ZNF506: variants seen among roughly 807,000 people sequenced by gnomAD.
ZNF506 encodes zinc finger protein 506.
Under a neutral mutation model 11.6 loss-of-function variants are expected in ZNF506, and 10 were observed. That is an observed-to-expected ratio of 0.86 (90% CI 0.53 to 1.46). The LOEUF (loss-of-function observed/expected upper bound fraction) is 1.46, where lower values mean the gene tolerates loss of function less well. Among genes scored for constraint, ZNF506 ranks in the 40% most tolerant of loss-of-function variants. The probability of loss-of-function intolerance (pLI) is 0.00; values close to 1 mark genes in which losing one functional copy is unlikely to be tolerated. For synonymous variants in ZNF506, 156 were observed against 173.3 expected, an observed-to-expected ratio of 0.90 and a Z score of 0.78; for missense variants, 425 against 521.2, an observed-to-expected ratio of 0.82 and a Z score of 1.80.
chr19:19,806,935 T>C lies in ZNF506; in HGVS notation c.130+7A>G, dbSNP rs760417434. 1.3e-5 allele frequency: 21 copies of C among 1,611,572 alleles called. No homozygotes were observed. Among genetic ancestry groups the C allele is most frequent in the Non-Finnish European group, 1.7e-5 (20 of 1,179,308 alleles). ...TATTATGAATTATGTACTCAAGTTA[T>C]CCTCACCAAGGAAGATCAGGTTTCT... On this transcript the variant is annotated splice_region_variant and intron_variant, in intron 2 of 3. Coordinates refer to ENST00000540806, the MANE Select transcript of ZNF506 (RefSeq NM_001099269.3).
At chr19:19,799,258 T>C (rs891231694) in intron 3 of ZNF506, 5 of 399,714 alleles carry the variant, frequency 1.3e-5, no homozygotes, top group African/African-American at 8.2e-5. Flanking sequence ...AGCAATATAA[T>C]TATAGTAGGA....
At position 19,794,249 on chromosome 19, in the gene ZNF506, GC is replaced by G. The variant is rs2062718453; in HGVS notation, c.*302del. ...GGCTTGATACCAGGAGGCAGAAGTT[GC>G]AGTGAGCTGAGATCGTGCCATTGCA... On this transcript the variant is annotated 3_prime_UTR_variant, in exon 4 of 4. Transcript: ENST00000540806. 1 of 206,480 alleles carries G rather than the reference GC, an allele frequency of 4.8e-6. No homozygotes were observed. The highest frequency in any genetic ancestry group is 2.3e-5 in the African/African-American group (1 of 42,644). The allele number at this position is 206,480 out of a possible 1,614,324, so 12.8% of individuals were successfully genotyped here.
At chr19:19,814,122 G>T (rs1216939511) in intron 1 of ZNF506, among the ~76,000 whole-genome samples, 1 of 151,990 alleles carries the variant, frequency 6.6e-6, no homozygotes, top group Non-Finnish European at 1.5e-5. Context: ...GAAAACAAAT[G>T]CAGAGGCTGC....
chr19:19,800,890 G>A (rs2062786299), intron 3 of ZNF506, among the ~76,000 whole-genome samples: 1 of 152,016 alleles, frequency 6.6e-6, no homozygotes, highest in Non-Finnish European at 1.5e-5. Flanking sequence ...GCTGGGAGCG[G>A]TGGCTCGCAC....
At chr19:19,801,516 T>C (rs971899139) in intron 3 of ZNF506, among the ~76,000 whole-genome samples, 2 of 147,894 alleles carry the variant, frequency 1.4e-5, no homozygotes, top group African/African-American at 2.5e-5. Flanking sequence ...AAGACGGGCA[T>C]GGAGGCTTGA....
chr19:19,799,153 T>G (rs2062770064), intron 3 of ZNF506: 1 of 274,098 alleles, frequency 3.6e-6, no homozygotes, highest in East Asian at 6.2e-5. Context: ...TGGAAACCTA[T>G]GACAAATTTG....
chr19:19,813,390 AAAAGTGTAAAT>A (rs1293261395), intron 1 of ZNF506, among the ~76,000 whole-genome samples: 1 of 152,168 alleles, frequency 6.6e-6, no homozygotes, highest in Non-Finnish European at 1.5e-5. Flanking sequence ...TTACACTTTC[AAAAGTGTAAAT>A]AATATTAAAA....
At chr19:19,812,284 C>T (rs1370304891) in intron 1 of ZNF506, among the ~76,000 whole-genome samples, 18 of 152,220 alleles carry the variant, frequency 1.2e-4, no homozygotes, top group Non-Finnish European at 7.3e-5. Context: ...TGAAGGAATT[C>T]CCAGTCACCC....
chr19:19,801,228 C>T (rs938328345), intron 3 of ZNF506, among the ~76,000 whole-genome samples: 2 of 152,156 alleles, frequency 1.3e-5, no homozygotes, highest in Non-Finnish European at 2.9e-5. Context: ...CCGTGGCTCA[C>T]GCCCATAATC....
intron 1 of ZNF506, among the ~76,000 whole-genome samples, chr19:19,807,652 G>A (rs529146511): frequency 1.4e-4 from 21 of 151,984 alleles, no homozygotes; most frequent in African/African-American, 4.3e-4. Context: ...GATTAGTCAT[G>A]CGCCACCATG....
At chr19:19,813,461 A>C (rs1371589248) in intron 1 of ZNF506, among the ~76,000 whole-genome samples, 2 of 152,198 alleles carry the variant, frequency 1.3e-5, no homozygotes, top group African/African-American at 4.8e-5. Flanking sequence ...TAGGAGTGTA[A>C]ATTAGTTCAA....
intron 3 of ZNF506, among the ~76,000 whole-genome samples, chr19:19,801,643 T>G (rs1432514162): frequency 6.6e-6 from 1 of 151,292 alleles, no homozygotes; most frequent in African/African-American, 2.4e-5. Context: ...ATACACAAAT[T>G]AGCCGGCTGT....
At chr19:19,799,949 T>C (rs529181079) in intron 3 of ZNF506, among the ~76,000 whole-genome samples, 1 of 151,504 alleles carries the variant, frequency 6.6e-6, no homozygotes, top group South Asian at 2.1e-4. Flanking sequence ...ATTAAAACAA[T>C]TTGGTATGAG....
At chr19:19,815,314 G>A (rs377218468) in intron 1 of ZNF506, among the ~76,000 whole-genome samples, 1 of 152,038 alleles carries the variant, frequency 6.6e-6, no homozygotes, top group African/African-American at 2.4e-5. Context: ...AGGTTCCTGA[G>A]GGTGGTGCCG....
chr19:19,801,059 G>T (rs768183472), intron 3 of ZNF506, among the ~76,000 whole-genome samples: 7 of 151,776 alleles, frequency 4.6e-5, no homozygotes, highest in Non-Finnish European at 7.4e-5. Flanking sequence ...ACTCAGGAGG[G>T]TGAGGCAGGA....
intron 1 of ZNF506, chr19:19,820,139 C>T (rs2062958177): frequency 6.6e-6 from 1 of 151,826 alleles, no homozygotes; most frequent in Admixed American, 6.6e-5. Flanking sequence ...CACCTGAGGC[C>T]CTGCTTGGGA....
chr19:19,800,389 AGAATAT>A (rs1417228063), intron 3 of ZNF506, among the ~76,000 whole-genome samples: 1 of 40,050 alleles, frequency 2.5e-5, no homozygotes, highest in African/African-American at 7.8e-5. Flanking sequence ...ATAACTAAAC[AGAATAT>A]ATATATATAT....
chr19:19,821,693 C>A lies in ZNF506; in HGVS notation c.-90G>T. 1 of 1,523,236 alleles carries A rather than the reference C, an allele frequency of 6.6e-7. No homozygotes were observed. The allele number at this position is 1,523,236 out of a possible 1,614,324, so 94.4% of individuals were successfully genotyped here. A position where few individuals can be genotyped will look rare whatever the true frequency, so the allele number is the denominator to read the frequency against. On this transcript the variant is annotated 5_prime_UTR_variant, in exon 1 of 4. Transcript: ENST00000540806. ...GCCACAGAGGCTGGGCCTCTAGGAG[C>A]TGACGGCACAGAGCAGTGAAGACGA...
chr19:19,810,218 G>T (rs2062873426), intron 1 of ZNF506, among the ~76,000 whole-genome samples: 1 of 152,068 alleles, frequency 6.6e-6, no homozygotes, highest in South Asian at 2.1e-4. Context: ...AACAACACAG[G>T]GTCCCTTACA....
Sources: gnomAD v4.1 joint callset for allele counts (sites outside exome capture counted in the v4.1 genomes callset) on GRCh38, gnomAD v4.1.1 for gene constraint, MANE v1.5 for transcripts, NCBI Gene and HGNC (gene_info 2026-07-23, HGNC 2026-07-21) for gene names.